Variants in FAF1 observed in about 807,000 individuals in gnomAD.
FAF1 encodes Fas associated factor 1.
A neutral mutation model predicts 92.5 loss-of-function variants in FAF1; 25 were observed. The observed-to-expected ratio is 0.27, with a 90% confidence interval of 0.20 to 0.38. The LOEUF (loss-of-function observed/expected upper bound fraction) is 0.38, where lower values mean the gene tolerates loss of function less well. Among genes scored for constraint, FAF1 ranks in the 10% least tolerant of loss-of-function variants. The pLI is 1.00. For missense variants in FAF1, 636 were observed against 793.3 expected (o/e 0.80, Z 2.38); for synonymous variants, 234 against 273.2 (o/e 0.86, Z 1.42).
At chr1:50,767,305 T>A (rs1290754175) in intron 4 of FAF1, among the ~76,000 whole-genome samples, 9 of 152,130 alleles carry the variant, frequency 5.9e-5, no homozygotes, top group Non-Finnish European at 8.8e-5. Context: ...CTAAAAAATT[T>A]GGCATTACAT....
intron 4 of FAF1, among the ~76,000 whole-genome samples, chr1:50,768,861 C>T (rs1660674537): frequency 6.6e-6 from 1 of 152,028 alleles, no homozygotes; most frequent in Admixed American, 6.6e-5. Flanking sequence ...AATCTAACAT[C>T]ACACATCACA....
intron 7 of FAF1, among the ~76,000 whole-genome samples, chr1:50,687,282 A>G (rs922960159): frequency 1.8e-4 from 27 of 151,668 alleles, no homozygotes; most frequent in African/African-American, 6.1e-4. Flanking sequence ...ATTTCAATGT[A>G]CAACTCAGTG....
At chr1:50,865,840 A>G (rs1329580057) in intron 1 of FAF1, among the ~76,000 whole-genome samples, 1 of 150,596 alleles carries the variant, frequency 6.6e-6, no homozygotes, top group Non-Finnish European at 1.5e-5. Context: ...AAGTATAATA[A>G]TAATAAAAGA....
At chr1:50,485,137 T>A (rs1189190818) in intron 17 of FAF1, among the ~76,000 whole-genome samples, 5 of 151,714 alleles carry the variant, frequency 3.3e-5, no homozygotes, top group African/African-American at 9.7e-5. Context: ...TATTATTTTT[T>A]TTAAATAGAG....
chr1:50,456,672 C>A (rs1646356317), intron 18 of FAF1, among the ~76,000 whole-genome samples: 1 of 152,154 alleles, frequency 6.6e-6, no homozygotes, highest in African/African-American at 2.4e-5. Flanking sequence ...ATGTAAGAAA[C>A]CATGCTAGGT....
intron 15 of FAF1, among the ~76,000 whole-genome samples, chr1:50,497,770 G>C (rs957144916): frequency 6.6e-6 from 1 of 151,762 alleles, no homozygotes; most frequent in Non-Finnish European, 1.5e-5. Context: ...GGCTGGTCTT[G>C]AACTCCTGGG....
intron 18 of FAF1, among the ~76,000 whole-genome samples, chr1:50,469,950 G>A (rs3888843): frequency 0.014 from 2,086 of 152,262 alleles, 45 homozygotes; most frequent in African/African-American, 0.046. Flanking sequence ...AACAAGCTCA[G>A]CAGTAGTACC....
At chr1:50,831,441 G>A (rs1570020522) in intron 2 of FAF1, among the ~76,000 whole-genome samples, 2 of 152,150 alleles carry the variant, frequency 1.3e-5, no homozygotes, top group African/African-American at 2.4e-5. Flanking sequence ...TTGTACTGCA[G>A]ATACTGGTGT....
chr1:50,668,466 C>A (rs1238919863), intron 7 of FAF1, among the ~76,000 whole-genome samples: 1 of 152,154 alleles, frequency 6.6e-6, no homozygotes, highest in Non-Finnish European at 1.5e-5. Context: ...GGCAGGAGGG[C>A]AGAAAGCCTA....
At chr1:50,464,264 C>A (rs574850859) in intron 18 of FAF1, among the ~76,000 whole-genome samples, 3 of 152,322 alleles carry the variant, frequency 2.0e-5, no homozygotes, top group Non-Finnish European at 4.4e-5. Context: ...GCCCTGGCCT[C>A]TCAAAGAGTT....
chr1:50,956,222 G>T (rs979753060), intron 1 of FAF1, among the ~76,000 whole-genome samples: 2 of 151,920 alleles, frequency 1.3e-5, no homozygotes, highest in Admixed American at 6.6e-5. Flanking sequence ...ACAATTTGGG[G>T]TAATATTTGC....
rs147973368 is a variant in FAF1, at chr1:50,472,513, A to G, written c.1869+2951T>C. On this transcript the variant is annotated intron_variant, in intron 18 of 18. Transcript: ENST00000396153. ...TCTGCGGCTATTTTGGTTGTCCTAC[A>G]GTGCTCAGTTCAGGGAATTATGCTC... 1.1e-4 allele frequency among the ~76,000 whole-genome samples: 17 copies of G among 152,114 alleles called. No homozygotes were observed. The East Asian group carries it at 3.1e-3, about 28-fold the overall frequency.
At chr1:50,844,724 A>C (rs1644283913) in intron 2 of FAF1, among the ~76,000 whole-genome samples, 1 of 151,956 alleles carries the variant, frequency 6.6e-6, no homozygotes, top group African/African-American at 2.4e-5. Flanking sequence ...CTGTGCTTCA[A>C]GTATTTTCCA....
chr1:50,748,537 T>TA (rs1229694789), intron 4 of FAF1, among the ~76,000 whole-genome samples: 7 of 148,434 alleles, frequency 4.7e-5, no homozygotes, highest in African/African-American at 1.7e-4. Context: ...GACTGAAAGG[T>TA]AAAAAAGCAA....
intron 1 of FAF1, among the ~76,000 whole-genome samples, chr1:50,949,977 C>T (rs1645201570): frequency 6.6e-6 from 1 of 151,904 alleles, no homozygotes; most frequent in Admixed American, 6.6e-5. Context: ...CAAGCACATG[C>T]TATCACACCC....
chr1:50,665,954 A>C (rs1195826788), intron 7 of FAF1, among the ~76,000 whole-genome samples: 1 of 152,100 alleles, frequency 6.6e-6, no homozygotes, highest in Non-Finnish European at 1.5e-5. Flanking sequence ...AGGTGGGCGG[A>C]TCCCTTGAGG....
intron 12 of FAF1, among the ~76,000 whole-genome samples, chr1:50,572,701 C>T: frequency 6.6e-6 from 1 of 152,098 alleles, no homozygotes; most frequent in Non-Finnish European, 1.5e-5. Flanking sequence ...GCTTGGGTGG[C>T]ATACAGTTCT....
intron 8 of FAF1, among the ~76,000 whole-genome samples, chr1:50,650,660 GT>G (rs1187181228): frequency 2.0e-5 from 3 of 152,062 alleles, no homozygotes; most frequent in Non-Finnish European, 4.4e-5. Flanking sequence ...AACTGAAAGA[GT>G]TTTCTTTGTA....
intron 18 of FAF1, among the ~76,000 whole-genome samples, chr1:50,472,368 TACACACACACACACAC>T (rs71850142): frequency 0.013 from 1,660 of 123,948 alleles, 22 homozygotes; most frequent in African/African-American, 0.031. Flanking sequence ...GGGGAAAACA[TACACACACACACACAC>T]ACACACACAC....
Sources: gnomAD v4.1 joint callset for allele counts (sites outside exome capture counted in the v4.1 genomes callset) on GRCh38, gnomAD v4.1.1 for gene constraint, MANE v1.5 for transcripts, NCBI Gene and HGNC (gene_info 2026-07-23, HGNC 2026-07-21) for gene names.